Variants in CFAP74 observed in about 807,000 individuals in gnomAD.
CFAP74 encodes the protein cilia- and flagella-associated protein 74.
In CFAP74, 124 loss-of-function variants were observed where a neutral mutation model predicts 188.9. The observed-to-expected ratio is 0.66, with a 90% confidence interval of 0.57 to 0.76. The LOEUF (loss-of-function observed/expected upper bound fraction) is 0.76, where lower values mean the gene tolerates loss of function less well. CFAP74 is among the 30% of genes least tolerant of loss of function. The pLI is 0.00. For missense variants in CFAP74, 2,198 were observed against 2,165.2 expected (o/e 1.02, Z -0.30); for synonymous variants, 956 against 916.7 (o/e 1.04, Z -0.77).
chr1:1,959,018 C>T, intron 16 of CFAP74, 102 bp downstream of exon 16: 1 of 729,442 alleles, frequency 1.4e-6, no homozygotes, highest in Non-Finnish European at 2.3e-6. Context: ...TCCACCTGGT[C>T]CCCCCGCCAA....
At position 1,985,407 on chromosome 1, in the gene CFAP74, TCA is replaced by T. The variant is rs1270448309; in HGVS notation, c.477_478del (p.Glu160GlyfsTer27). 1.9e-6 allele frequency: 3 copies of T among 1,614,078 alleles called. No individual in the cohort carries two copies. The highest frequency in any genetic ancestry group is 2.5e-6 in the Non-Finnish European group (3 of 1,180,002). The stretch of plus-strand genomic sequence containing the variant: ...TCACTCGCTCTCCTTCAGCACGGCC[TCA>T]GTCCTCGACTGCAGGTCTCTCTCGT... On this transcript the variant is annotated frameshift_variant, in exon 6 of 39. Coordinates refer to ENST00000682832, the MANE Select transcript of CFAP74 (RefSeq NM_001304360.2). LOFTEE classifies it high-confidence loss of function.
rs1321580163 is a variant in CFAP74 at position 1,955,783 on chromosome 1, T to C, written c.2084A>G (p.Gln695Arg). 3 of 1,614,254 alleles carry C rather than the reference T, an allele frequency of 1.9e-6. No homozygotes were observed. Among genetic ancestry groups the C allele is most frequent in the Non-Finnish European group, 2.5e-6 (3 of 1,180,048 alleles). Reference sequence around the variant, plus strand: ...CTGGGAGGACTCCGTGCCCTCTAGCTGCTGCTCAGAGAAGCTGGTGGCGGC... The same window carrying C: ...CTGGGAGGACTCCGTGCCCTCTAGCCGCTGCTCAGAGAAGCTGGTGGCGGC... ...DKAATSFSEQ[Q>R]LEGTESSQAD... Residue 695 changes from glutamine to arginine, a missense_variant, in exon 18 of 39, where the codon CAG becomes CGG. Coordinates refer to ENST00000682832, the MANE Select transcript of CFAP74 (RefSeq NM_001304360.2).
chr1:1,944,530 C>T, intron 20 of CFAP74, 78 bp from the exon 21 acceptor site: 1 of 1,458,046 alleles, frequency 6.9e-7, no homozygotes, highest in East Asian at 2.5e-5. Flanking sequence ...TGACACAGCT[C>T]CCAGGAGGAA....
At chr1:1,960,244 C>T (rs1654987373) in intron 14 of CFAP74, 8 of 561,362 alleles carry the variant, frequency 1.4e-5, no homozygotes, top group East Asian at 3.4e-5. Context: ...CCAGTGTGTG[C>T]GAACGTTTGT....
chr1:1,967,135 G>A (rs571566941), intron 11 of CFAP74, among the ~76,000 whole-genome samples: 6 of 152,194 alleles, frequency 3.9e-5, no homozygotes, highest in South Asian at 2.1e-4. Flanking sequence ...CGCGCCTGGC[G>A]CAGTTCTCAT....
chr1:1,993,111 GAATT>G (rs1304573709), intron 1 of CFAP74, among the ~76,000 whole-genome samples: 1 of 145,926 alleles, frequency 6.9e-6, no homozygotes, highest in Non-Finnish European at 1.5e-5. Context: ...TGAGGCCCGA[GAATT>G]GCTTGAGCCC....
At chr1:1,945,025 T>C (rs1427577722) in intron 20 of CFAP74, among the ~76,000 whole-genome samples, 1 of 152,210 alleles carries the variant, frequency 6.6e-6, no homozygotes, top group Non-Finnish European at 1.5e-5. Flanking sequence ...AACCTTTCTA[T>C]GGCCGAGCAC....
Position 1,990,297 on chromosome 1 carries a change from C to T in CFAP74, c.67+593G>A, listed in dbSNP as rs35448633. ...CCGGCAAAACACGGCAAAGGGAACA[C>T]AGTTTTTCTTCCCTTCATTAAATCT... On this transcript the variant is annotated intron_variant, in intron 2 of 38. Coordinates refer to ENST00000682832, the MANE Select transcript of CFAP74 (RefSeq NM_001304360.2). Among the ~76,000 whole-genome samples the T allele has an allele frequency of 2.1e-3, 311 of 150,486 alleles. 4 individuals are homozygous for T. The highest frequency in any genetic ancestry group is 0.016 in the South Asian group (76 of 4,796).
intron 25 of CFAP74, among the ~76,000 whole-genome samples, chr1:1,931,186 T>C (rs1652337664): frequency 6.6e-6 from 1 of 152,062 alleles, no homozygotes; most frequent in South Asian, 2.1e-4. Flanking sequence ...TCCCAGCACT[T>C]TGGGAGGCCG....
intron 18 of CFAP74, among the ~76,000 whole-genome samples, chr1:1,950,296 C>T (rs1038180080): frequency 1.3e-5 from 2 of 150,422 alleles, no homozygotes; most frequent in Admixed American, 6.6e-5. Flanking sequence ...CATCCACGTA[C>T]GTATCTTCTC....
rs537739387 is a variant in CFAP74 at position 1,992,039 on chromosome 1, C to CA, written c.-19-1065dup. Among the ~76,000 whole-genome samples the CA allele has an allele frequency of 1.3e-3, 167 of 133,092 alleles. 1 individual carries two copies. Among genetic ancestry groups the CA allele is most frequent in the South Asian group, 3.8e-3 (16 of 4,210 alleles). The allele number at this position is 133,092 out of a possible 152,430, so 87.3% of individuals were successfully genotyped here. The stretch of plus-strand genomic sequence containing the variant: ...TGGGTGACAGAGCGAGACTCCGTCT[C>CA]AAAAAAAAAAAAATGCCTGAGATCA... On this transcript the variant is annotated intron_variant, in intron 1 of 38. Coordinates refer to ENST00000682832, the MANE Select transcript of CFAP74 (RefSeq NM_001304360.2).
At chr1:1,992,687 G>A (rs1490779401) in intron 1 of CFAP74, among the ~76,000 whole-genome samples, 1 of 151,490 alleles carries the variant, frequency 6.6e-6, no homozygotes, top group African/African-American at 2.4e-5. Context: ...TGTTAGCCAG[G>A]ATGGTCTCGA....
At chr1:1,959,236 A>G (rs1036856485) in intron 15 of CFAP74, 27 bp from the exon 16 acceptor site, 1 of 1,426,726 alleles carries the variant, frequency 7.0e-7, no homozygotes, top group South Asian at 1.2e-5. Flanking sequence ...CCCCCACCAC[A>G]ATACACTTCT....
intron 16 of CFAP74, among the ~76,000 whole-genome samples, chr1:1,957,834 C>T (rs1412107647): frequency 6.6e-6 from 1 of 152,174 alleles, no homozygotes; most frequent in Non-Finnish European, 1.5e-5. Flanking sequence ...AGTCTTGGCT[C>T]ACCAAGAGCC....
At chr1:2,003,347 G>A (rs1398837190) in intron 1 of CFAP74, among the ~76,000 whole-genome samples, 2 of 152,154 alleles carry the variant, frequency 1.3e-5, no homozygotes, top group Non-Finnish European at 2.9e-5. Flanking sequence ...AAAACTAAAT[G>A]ACTTTGGGGC....
intron 14 of CFAP74, among the ~76,000 whole-genome samples, chr1:1,960,709 C>T (rs552260102): frequency 7.2e-4 from 110 of 152,306 alleles, no homozygotes; most frequent in African/African-American, 2.5e-3. Flanking sequence ...AACATTCCCA[C>T]GGCACCAGCA....
At chr1:1,967,529 G>A (rs1242072910) in intron 11 of CFAP74, among the ~76,000 whole-genome samples, 4 of 152,106 alleles carry the variant, frequency 2.6e-5, no homozygotes, top group Non-Finnish European at 5.9e-5. Flanking sequence ...AGGCCCCGGC[G>A]TGAGACGGGC....
chr1:1,960,208 C>T (rs1654984176), intron 14 of CFAP74, 178 bp from the exon 15 acceptor site: 5 of 604,796 alleles, frequency 8.3e-6, no homozygotes, highest in East Asian at 3.3e-5. Context: ...CCTGCTGCCG[C>T]CAGTACCTGG....
rs1333704499 is a variant in CFAP74 at position 1,946,975 on chromosome 1, C to A, written c.2241+15G>T. On this transcript the variant is annotated intron_variant, in intron 19 of 38. Coordinates refer to ENST00000682832, the MANE Select transcript of CFAP74 (RefSeq NM_001304360.2). ...TTGGATCGTGGCAGCTATTTTAGGG[C>A]CTGAGCTGGCTGACCTCCCCCAGCG... 1 of 1,531,818 alleles carries A rather than the reference C, an allele frequency of 6.5e-7. No individual in the cohort carries two copies. The highest frequency in any genetic ancestry group is 1.4e-5 in the African/African-American group (1 of 73,080). The allele number at this position is 1,531,818 out of a possible 1,614,324, so 94.9% of individuals were successfully genotyped here.
Sources: gnomAD v4.1 joint callset for allele counts (sites outside exome capture counted in the v4.1 genomes callset) on GRCh38, gnomAD v4.1.1 for gene constraint, MANE v1.5 for transcripts, NCBI Gene and HGNC (gene_info 2026-07-23, HGNC 2026-07-21) for gene names.